The following LMLN variants were observed in gnomAD, a reference collection of about 807,000 sequenced individuals.
The protein encoded by LMLN is leishmanolysin like peptidase, also known as leishmanolysin-like peptidase.
LMLN carries 70 observed loss-of-function variants against 92.3 expected under a neutral mutation model. The ratio of observed to expected loss-of-function variants is 0.76; its 90% CI spans 0.63 to 0.92. The LOEUF is 0.92. Among genes scored for constraint, LMLN ranks in the 40% least tolerant of loss-of-function variants. LMLN has a pLI of 0.00. For missense variants in LMLN, 691 were observed against 814.6 expected (o/e 0.85, Z 1.85); for synonymous variants, 308 against 296.2 (o/e 1.04, Z -0.41).
chr3:197,997,001 T>A (rs1473358911), intron 10 of LMLN, among the ~76,000 whole-genome samples: 1 of 149,360 alleles, frequency 6.7e-6, no homozygotes, highest in Non-Finnish European at 1.5e-5. Flanking sequence ...GTTTTTTTTC[T>A]TTTCTTTTCT....
intron 12 of LMLN, among the ~76,000 whole-genome samples, chr3:198,020,783 T>TTTTTTTTTG: frequency 7.4e-6 from 1 of 136,008 alleles, no homozygotes; most frequent in Non-Finnish European, 1.6e-5. Context: ...TTTTTTTTTT[T>TTTTTTTTTG]TTTTTTTTTT....
At chr3:197,988,460 A>C (rs1721774488) in intron 8 of LMLN, among the ~76,000 whole-genome samples, 1 of 129,726 alleles carries the variant, frequency 7.7e-6, no homozygotes, top group Non-Finnish European at 1.7e-5. Context: ...TAATTGTTAT[A>C]TCTTTATGCT....
chr3:197,976,675 CAA>C lies in LMLN; in HGVS notation c.511_512del (p.Lys171ValfsTer8), dbSNP rs1721392858. The C allele has an allele frequency of 6.3e-7, 1 of 1,586,686 alleles. No individual in the cohort carries two copies. The highest frequency in any genetic ancestry group is 8.6e-7 in the Non-Finnish European group (1 of 1,161,464). ...TGCACCGGGGAGTGTGCCGCACACA[CAA>C]AGTGCGGCCCCGTTATTGTTCCTGA... is the stretch of plus-strand genomic sequence containing the variant. On this transcript the variant is annotated frameshift_variant, in exon 5 of 16. Transcript: ENST00000330198. LOFTEE classifies it high-confidence loss of function.
intron 14 of LMLN, among the ~76,000 whole-genome samples, chr3:198,033,374 A>T (rs948939973): frequency 6.6e-5 from 10 of 151,254 alleles, no homozygotes; most frequent in Non-Finnish European, 1.3e-4. Context: ...TTTTCTTCTA[A>T]TTTCAAAATA....
rs759691604 is a variant in LMLN at position 198,021,431 on chromosome 3, A to G, written c.1366-15A>G. ...TGTTTCTTACTTTCTTGTCTTCCCA[A>G]TATTTTTTCTGCAGTACTTTGATGA... On this transcript the variant is annotated splice_polypyrimidine_tract_variant and intron_variant, in intron 12 of 15. Transcript: ENST00000330198. The G allele has an allele frequency of 3.1e-6, 5 of 1,610,848 alleles. No individual in the cohort carries two copies. Among genetic ancestry groups the G allele is most frequent in the East Asian group, 2.2e-5 (1 of 44,844 alleles).
intron 14 of LMLN, among the ~76,000 whole-genome samples, chr3:198,027,746 C>T (rs1012446486): frequency 4.6e-5 from 7 of 152,144 alleles, no homozygotes; most frequent in Non-Finnish European, 8.8e-5. Flanking sequence ...GGATCTGTCA[C>T]GTTTTGAATC....
intron 14 of LMLN, among the ~76,000 whole-genome samples, chr3:198,030,198 A>C (rs1379775610): frequency 6.6e-6 from 1 of 152,072 alleles, no homozygotes; most frequent in Non-Finnish European, 1.5e-5. Context: ...TTGAATTTCA[A>C]ATGTTAGCTG....
chr3:197,970,602 CA>C (rs1721196518), intron 1 of LMLN, among the ~76,000 whole-genome samples: 1 of 152,158 alleles, frequency 6.6e-6, no homozygotes, highest in African/African-American at 2.4e-5. Context: ...GTCACGTAGA[CA>C]AAATTTCAGC....
At chr3:198,012,817 T>C (rs532823677) in intron 11 of LMLN, among the ~76,000 whole-genome samples, 1 of 148,470 alleles carries the variant, frequency 6.7e-6, no homozygotes, top group African/African-American at 2.5e-5. Flanking sequence ...GCCCCCTAAC[T>C]AGTCTGACTT....
chr3:198,022,357 C>T (rs138478006), intron 13 of LMLN, among the ~76,000 whole-genome samples: 1 of 152,332 alleles, frequency 6.6e-6, no homozygotes, highest in East Asian at 1.9e-4. Flanking sequence ...GTTCTCACAT[C>T]TGATGTAAGA....
At chr3:198,043,719 A>G (rs1212934817) in exon 16 of LMLN, 1 of 152,618 alleles carries the variant, frequency 6.6e-6, no homozygotes. Context: ...AATGGAAACT[A>G]ATTTGCATCC....
At chr3:197,983,982 C>A in exon 7 of LMLN, 1 of 1,613,788 alleles carries the variant, frequency 6.2e-7, no homozygotes, top group East Asian at 2.2e-5. Flanking sequence ...CAAATATGAT[C>A]TCTACCCAGC....
At chr3:197,970,671 T>C (rs1484514832) in intron 1 of LMLN, among the ~76,000 whole-genome samples, 1 of 152,220 alleles carries the variant, frequency 6.6e-6, no homozygotes, top group Non-Finnish European at 1.5e-5. Context: ...ATATTGTTTC[T>C]GCAAATAGTT....
intron 14 of LMLN, among the ~76,000 whole-genome samples, chr3:198,032,101 C>CAAA (rs35145607): frequency 1.8e-3 from 189 of 103,716 alleles, no homozygotes; most frequent in African/African-American, 5.3e-3. Flanking sequence ...GACTCTGACT[C>CAAA]AAAAAAAAAA....
chr3:197,984,568 A>G (rs1721647955), intron 7 of LMLN, among the ~76,000 whole-genome samples: 1 of 148,494 alleles, frequency 6.7e-6, no homozygotes. Flanking sequence ...ATCCCACCTT[A>G]GCCTCCCAAG....
chr3:197,979,531 T>G (rs1363621638), intron 5 of LMLN, among the ~76,000 whole-genome samples: 1 of 151,982 alleles, frequency 6.6e-6, no homozygotes, highest in Non-Finnish European at 1.5e-5. Context: ...TTTAAAAAAT[T>G]TTTAGGCTGG....
chr3:197,964,773 C>T (rs1054856204), intron 1 of LMLN, among the ~76,000 whole-genome samples: 2 of 151,608 alleles, frequency 1.3e-5, no homozygotes, highest in African/African-American at 4.8e-5. Context: ...TTTGGGAGGC[C>T]GAGGTGGGTG....
chr3:198,024,032 C>T (rs574682801), intron 13 of LMLN, among the ~76,000 whole-genome samples: 9 of 152,116 alleles, frequency 5.9e-5, no homozygotes, highest in Non-Finnish European at 1.3e-4. Flanking sequence ...TTTAGACCAC[C>T]AGTGAAGATG....
At chr3:198,021,825 T>G (rs1197367132) in intron 13 of LMLN, among the ~76,000 whole-genome samples, 4 of 152,196 alleles carry the variant, frequency 2.6e-5, no homozygotes, top group Admixed American at 2.6e-4. Context: ...ATTAAATGAA[T>G]TAATGTAGTA....
Sources: gnomAD v4.1 joint callset for allele counts (sites outside exome capture counted in the v4.1 genomes callset) on GRCh38, gnomAD v4.1.1 for gene constraint, MANE v1.5 for transcripts, NCBI Gene and HGNC (gene_info 2026-07-23, HGNC 2026-07-21) for gene names.